The following PRDM11 variants were observed in gnomAD, a reference collection of about 807,000 sequenced individuals.
The protein encoded by PRDM11 is PR/SET domain 11.
In PRDM11, 20 loss-of-function variants were observed where a neutral mutation model predicts 97.8. The ratio of observed to expected loss-of-function variants is 0.20; its 90% confidence interval spans 0.14 to 0.30. The LOEUF (loss-of-function observed/expected upper bound fraction) is 0.30, where lower values mean the gene tolerates loss of function less well. PRDM11 is among the 10% of genes least tolerant of loss of function. The pLI is 1.00. For missense variants in PRDM11, 1,139 were observed against 1,555.2 expected (o/e 0.73, Z 4.50); for synonymous variants, 599 against 637.7 (o/e 0.94, Z 0.91).
At chr11:45,208,806 T>C in intron 5 of PRDM11, 1 of 368,854 alleles carries the variant, frequency 2.7e-6, no homozygotes, top group Admixed American at 3.3e-5. Context: ...GGCCAGCAAT[T>C]AGGAAGGAGA....
At chr11:45,146,024 G>A (rs577128912), upstream of PRDM11, among the ~76,000 whole-genome samples, 2 of 152,286 alleles carry the variant, frequency 1.3e-5, no homozygotes, top group Admixed American at 1.3e-4. Flanking sequence ...CTCTCCCTCT[G>A]TAACATATTT....
chr11:45,128,658 T>G (rs1590361219), intron 1 of PRDM11, among the ~76,000 whole-genome samples: 1 of 152,340 alleles, frequency 6.6e-6, no homozygotes, highest in African/African-American at 2.4e-5. Flanking sequence ...ACTGAATCTG[T>G]AATTGAAAAT....
chr11:45,170,876 C>T (rs1852186904), intron 1 of PRDM11, among the ~76,000 whole-genome samples: 2 of 152,164 alleles, frequency 1.3e-5, no homozygotes, highest in African/African-American at 4.8e-5. Flanking sequence ...TAGGTCTGTT[C>T]CATGGCTTCC....
chr11:45,224,468 A>G lies in PRDM11; in HGVS notation c.994A>G (p.Arg332Gly). The G allele has an allele frequency of 8.1e-6, 13 of 1,614,192 alleles. No homozygotes were observed. The highest frequency in any genetic ancestry group is 1.1e-5 in the Non-Finnish European group (13 of 1,180,032). ...GGCCCTGAGCACCTCACTGGTCATC[A>G]GGAAAGTCCCCAAATACCAGGATGA... is the stretch of plus-strand genomic sequence containing the variant. ...QLALSTSLVI[R>G]KVPKYQDDAY... The change falls in exon 7 of 8, where the codon AGG becomes GGG. Residue 332 changes from arginine (R) to glycine (G), a missense_variant. Physicochemically the swap from Arg to Gly is moderately radical, Grantham distance 125. This residue lies in a region of PRDM11 where 429 missense variants were observed against 510.3 expected (regional missense o/e 0.84). Coordinates refer to ENST00000683152, the MANE Select transcript of PRDM11 (RefSeq NM_001384648.1).
At chr11:45,177,422 G>A (rs1489378771) in intron 1 of PRDM11, among the ~76,000 whole-genome samples, 1 of 152,188 alleles carries the variant, frequency 6.6e-6, no homozygotes, top group African/African-American at 2.4e-5. Context: ...AAGGCAACAG[G>A]GGCTTTACCT....
At chr11:45,199,394 T>C (rs1853244945) in intron 4 of PRDM11, among the ~76,000 whole-genome samples, 3 of 152,194 alleles carry the variant, frequency 2.0e-5, no homozygotes, top group Admixed American at 2.0e-4. Context: ...CCTGTATCCC[T>C]CTAGATGCAT....
intron 6 of PRDM11, among the ~76,000 whole-genome samples, chr11:45,221,704 T>C (rs771236366): frequency 7.2e-5 from 11 of 151,842 alleles, no homozygotes; most frequent in Admixed American, 1.3e-4. Context: ...CATATGAAGA[T>C]ACAGGAGGGA....
rs995670726 is a variant in PRDM11, at chr11:45,228,009, T to A, written c.3384T>A (p.Asp1128Glu). ...ACGGACCGCCAATCACCAACTTTGA[T>A]GCCAAGCGAGCCCTGGACAGCTGGT... ...AVNGPPITNF[D>E]AKRALDSWFE... The change falls in exon 8 of 8, where the codon GAT becomes GAA. Residue 1128 changes from aspartate to glutamate, a missense_variant. This residue lies in a region of PRDM11 where 710 missense variants were observed against 1,044.9 expected (regional missense o/e 0.68). Coordinates refer to ENST00000683152, the MANE Select transcript of PRDM11 (RefSeq NM_001384648.1). The A allele has an allele frequency of 6.5e-7, 1 of 1,533,624 alleles. No individual in the cohort carries two copies. Among genetic ancestry groups the A allele is most frequent in the African/African-American group, 1.4e-5 (1 of 72,900 alleles).
chr11:45,109,765 T>C (rs1565226317), intron 1 of PRDM11, among the ~76,000 whole-genome samples: 1 of 152,120 alleles, frequency 6.6e-6, no homozygotes, highest in Admixed American at 6.5e-5. Flanking sequence ...CTGATAACCT[T>C]CTGGTAGCAA....
intron 4 of PRDM11, among the ~76,000 whole-genome samples, chr11:45,203,082 C>T (rs1252244083): frequency 6.6e-6 from 1 of 152,074 alleles, no homozygotes; most frequent in Non-Finnish European, 1.5e-5. Context: ...TGATAAAGGG[C>T]TTCTCTGCTG....
rs1331508059 is a variant in PRDM11 at position 45,227,728 on chromosome 11, G to A, written c.3103G>A (p.Gly1035Ser). 3 of 1,533,766 alleles carry A rather than the reference G, an allele frequency of 2.0e-6. No individual in the cohort carries two copies. Among genetic ancestry groups the A allele is most frequent in the African/African-American group, 2.7e-5 (2 of 72,932 alleles). ...DVCREGLDPRGSLLMEWRELK... is the reference protein window; with the variant it reads ...DVCREGLDPRSSLLMEWRELK... ...CTGTAGGGAAGGGCTGGACCCCCGG[G>A]GTAGTCTGTTGATGGAGTGGCGAGA... The change falls in exon 8 of 8, where the codon GGT becomes AGT. Residue 1035 changes from glycine (G) to serine (S), a missense_variant. Physicochemically the swap from Gly to Ser is moderately conservative, Grantham distance 56. Coordinates refer to ENST00000683152, the MANE Select transcript of PRDM11 (RefSeq NM_001384648.1). The surrounding 1 kb of genome is among the most constrained non-coding windows in gnomAD (Gnocchi z 8.0).
Position 45,219,154 on chromosome 11 carries a change from C to T in PRDM11, c.555-416C>T, listed in dbSNP as rs753722963. Among the ~76,000 whole-genome samples the T allele has an allele frequency of 2.0e-5, 3 of 152,194 alleles. No individual in the cohort carries two copies. The highest frequency in any genetic ancestry group is 2.9e-5 in the Non-Finnish European group (2 of 68,046). On this transcript the variant is annotated intron_variant, in intron 5 of 7. Coordinates refer to ENST00000683152, the MANE Select transcript of PRDM11 (RefSeq NM_001384648.1). The surrounding 1 kb of genome is among the most constrained non-coding windows in gnomAD (Gnocchi z 4.2). ...TGAAATACTGGAAACAGTTGAAGGA[C>T]CCCAGCCTTACCACCTTCAGAGGCC...
chr11:45,203,707 G>A (rs1232276148), intron 4 of PRDM11, among the ~76,000 whole-genome samples: 2 of 150,260 alleles, frequency 1.3e-5, no homozygotes, highest in Non-Finnish European at 1.5e-5. Flanking sequence ...TGCAAGCTCC[G>A]CCTCCCGGGT....
At chr11:45,111,106 C>T (rs1335321726) in intron 1 of PRDM11, among the ~76,000 whole-genome samples, 2 of 152,148 alleles carry the variant, frequency 1.3e-5, no homozygotes, top group East Asian at 3.9e-4. Flanking sequence ...GGTGTCTCTT[C>T]TGTTTTTAAA....
rs1437118884 is a variant in PRDM11 at position 45,227,795 on chromosome 11, T to C, written c.3170T>C (p.Leu1057Pro). Residue 1057 changes from leucine to proline, a missense_variant, in exon 8 of 8, where the codon CTG (leucine) becomes CCG (proline). Coordinates refer to ENST00000683152, the MANE Select transcript of PRDM11 (RefSeq NM_001384648.1). The surrounding 1 kb of genome is among the most constrained non-coding windows in gnomAD (Gnocchi z 8.0). ...TACACCAAAAATGGCTTCAAAGACC[T>C]GATCAGCCACATTTGCAAGTACAAA... ...DYYTKNGFKD[L>P]ISHICKYKQR... The C allele has an allele frequency of 1.4e-5, 21 of 1,533,842 alleles. No homozygotes were observed. Among genetic ancestry groups the C allele is most frequent in the African/African-American group, 2.7e-5 (2 of 72,976 alleles).
At chr11:45,124,610 T>C (rs1193645476) in intron 1 of PRDM11, among the ~76,000 whole-genome samples, 1 of 152,242 alleles carries the variant, frequency 6.6e-6, no homozygotes, top group Non-Finnish European at 1.5e-5. Flanking sequence ...GTGGTTTTTG[T>C]CTTTAGTTCT....
intron 1 of PRDM11, among the ~76,000 whole-genome samples, chr11:45,136,970 C>T (rs12275470): frequency 0.039 from 5,711 of 145,110 alleles, 398 homozygotes; most frequent in African/African-American, 0.14. Context: ...TGGTGAAACC[C>T]CTATCTCTAC....
intron 4 of PRDM11, among the ~76,000 whole-genome samples, chr11:45,195,370 C>T (rs567489126): frequency 1.3e-3 from 191 of 152,220 alleles, no homozygotes; most frequent in Admixed American, 2.0e-3. Context: ...CCTTAACCCA[C>T]ATCTTCAACC....
At chr11:45,122,163 C>T (rs1383828399) in intron 1 of PRDM11, among the ~76,000 whole-genome samples, 1 of 149,548 alleles carries the variant, frequency 6.7e-6, no homozygotes, top group East Asian at 2.0e-4. Flanking sequence ...AATGTATAAA[C>T]CCCTACTAAG....
Sources: gnomAD v4.1 joint callset for allele counts (sites outside exome capture counted in the v4.1 genomes callset) on GRCh38, gnomAD v4.1.1 for gene constraint, gnomAD v4.1.1 regional missense constraint, Gnocchi (gnomAD v3.1) non-coding constraint, MANE v1.5 for transcripts, NCBI Gene and HGNC (gene_info 2026-07-23, HGNC 2026-07-21) for gene names.